The following ACSS2 variants were observed in gnomAD, a reference collection of about 807,000 sequenced individuals.
ACSS2 encodes the protein acetyl-coenzyme A synthetase, cytoplasmic.
A neutral mutation model predicts 90.6 loss-of-function variants in ACSS2; 58 were observed. The ratio of observed to expected loss-of-function variants is 0.64; its 90% CI spans 0.52 to 0.80. The LOEUF (loss-of-function observed/expected upper bound fraction) is 0.80, where lower values mean the gene tolerates loss of function less well. Ranked by LOEUF, ACSS2 falls within the 30% of genes least tolerant of loss-of-function variation. The pLI, the probability that ACSS2 is intolerant of heterozygous loss-of-function variation, is 0.00. For synonymous variants in ACSS2, 300 were observed against 330.9 expected, an observed-to-expected ratio of 0.91 and a Z score of 1.01; for missense variants, 759 against 912.0, an observed-to-expected ratio of 0.83 and a Z score of 2.16.
upstream of ACSS2, chr20:34,876,535 T>C (rs936308847): frequency 1.1e-4 from 125 of 1,169,680 alleles, 1 homozygote; most frequent in African/African-American, 2.7e-4. Flanking sequence ...ACTCCCCCAC[T>C]CACCAGGCCC....
chr20:34,898,863 C>CG (rs910045407), intron 2 of ACSS2, among the ~76,000 whole-genome samples: 31 of 129,552 alleles, frequency 2.4e-4, no homozygotes, highest in South Asian at 5.4e-4. Flanking sequence ...CGGTGCTCGT[C>CG]GGGGGGGCTC....
At chr20:34,901,999 T>TTCC (rs1280268536) in intron 2 of ACSS2, among the ~76,000 whole-genome samples, 1 of 152,190 alleles carries the variant, frequency 6.6e-6, no homozygotes, top group Non-Finnish European at 1.5e-5. Context: ...AAGGAGTGCC[T>TTCC]TCCATCTTTG....
intron 1 of ACSS2, among the ~76,000 whole-genome samples, chr20:34,877,295 C>T (rs1457208312): frequency 2.6e-5 from 4 of 152,152 alleles, no homozygotes; most frequent in African/African-American, 9.7e-5. Context: ...AACCTGTGAA[C>T]TGTTGAGGGC....
In ACSS2 at chr20:34,923,773, C is replaced by T. The variant is rs1469723698; in HGVS notation, c.1657+342C>T. Among the ~76,000 whole-genome samples the T allele has an allele frequency of 5.9e-5, 9 of 152,096 alleles. No homozygotes were observed. In the South Asian group the frequency reaches 1.5e-3, roughly 25 times the overall value. Reference sequence around the variant, plus strand: ...TGAACTCATAGAGTTACTGCAAGTACAGCACCAAGCCATTCATGAGGGATC... The same window carrying T: ...TGAACTCATAGAGTTACTGCAAGTATAGCACCAAGCCATTCATGAGGGATC... On this transcript the variant is annotated intron_variant, in intron 14 of 17. Coordinates refer to ENST00000360596, the MANE Select transcript of ACSS2 (RefSeq NM_018677.4).
intron 2 of ACSS2, among the ~76,000 whole-genome samples, chr20:34,899,300 G>A (rs1258768744): frequency 2.0e-5 from 3 of 152,270 alleles, no homozygotes; most frequent in Non-Finnish European, 2.9e-5. Flanking sequence ...CAAAGTGGGA[G>A]CCCAGGCAGA....
chr20:34,888,053 G>C (rs1463500413), intron 2 of ACSS2, among the ~76,000 whole-genome samples: 1 of 113,614 alleles, frequency 8.8e-6, no homozygotes, highest in Non-Finnish European at 1.6e-5. Context: ...CTGGGCAACA[G>C]AGCAAGACTC....
upstream of ACSS2, chr20:34,876,514 C>T: frequency 8.8e-7 from 1 of 1,134,248 alleles, no homozygotes; most frequent in Non-Finnish European, 1.1e-6. Context: ...GCCCACCCGC[C>T]AGACTAAGCC....
At position 34,927,079 on chromosome 20, in the gene ACSS2, T is replaced by A. The variant is rs765825953; in HGVS notation, c.1979-8T>A. ...TCACCAAGTAACTAGAGGTCTGTGGTTCCCCAGGGAAAATCATGAGGCGAG... is the reference window on the plus strand; with the variant it reads ...TCACCAAGTAACTAGAGGTCTGTGGATCCCCAGGGAAAATCATGAGGCGAG... On this transcript the variant is annotated splice_region_variant and splice_polypyrimidine_tract_variant and intron_variant, in intron 17 of 17. Transcript: ENST00000360596. This position sits in a 1 kb window ranked among gnomAD's most constrained non-coding sequence, Gnocchi z 4.2. 30 of 1,613,910 alleles carry A rather than the reference T, an allele frequency of 1.9e-5. No individual in the cohort carries two copies. The highest frequency in any genetic ancestry group is 2.5e-5 in the Non-Finnish European group (29 of 1,179,988).
In ACSS2 at chr20:34,926,733, C is replaced by G. The variant is rs1002632132; in HGVS notation, c.1904-144C>G. On this transcript the variant is annotated intron_variant, in intron 16 of 17. Transcript: ENST00000360596. ...AGTAAAGAGACAAGTGTGTTGAGAG[C>G]AAGAGAAGCAGTGAACCTGAGGCTG... 6 of 729,526 alleles carry G rather than the reference C, an allele frequency of 8.2e-6. No homozygotes were observed. In the African/African-American group the frequency reaches 1.1e-4, roughly 13 times the overall value. The allele number at this position is 729,526 out of a possible 1,614,324, so 45.2% of individuals were successfully genotyped here.
chr20:34,894,890 G>C (rs1037890881), intron 2 of ACSS2, among the ~76,000 whole-genome samples: 1 of 152,064 alleles, frequency 6.6e-6, no homozygotes, highest in Non-Finnish European at 1.5e-5. Context: ...TCAGAGCCAG[G>C]GTTTCCCAAT....
At chr20:34,883,433 T>G (rs1454123459) in intron 2 of ACSS2, among the ~76,000 whole-genome samples, 1 of 152,236 alleles carries the variant, frequency 6.6e-6, no homozygotes, top group Admixed American at 6.5e-5. Flanking sequence ...GAAAGCACTA[T>G]TTGTTTTCCT....
chr20:34,884,861 C>A (rs1216869632), intron 2 of ACSS2, among the ~76,000 whole-genome samples: 1 of 152,038 alleles, frequency 6.6e-6, no homozygotes, highest in Non-Finnish European at 1.5e-5. Context: ...GAGTTTGAGA[C>A]CAGCCTGGGC....
Position 34,919,481 on chromosome 20 carries a change from A to T in ACSS2, c.881A>T (p.Gln294Leu). Residue 294 changes from glutamine (Q) to leucine (L), a missense_variant, in exon 8 of 18, where the codon CAA becomes CTA. Coordinates refer to ENST00000360596, the MANE Select transcript of ACSS2 (RefSeq NM_018677.4). ...GACTTGTGGTGGCATGAGCTCATGC[A>T]AGAGGCAGGGGATGAGTGTGAGCCC... ...GIDLWWHELM[Q>L]EAGDECEPEW... 2 of 1,613,066 alleles carry T rather than the reference A, an allele frequency of 1.2e-6. No homozygotes were observed. Among genetic ancestry groups the T allele is most frequent in the Non-Finnish European group, 1.7e-6 (2 of 1,179,950 alleles).
chr20:34,894,740 T>G (rs2080423016), intron 2 of ACSS2, among the ~76,000 whole-genome samples: 1 of 152,174 alleles, frequency 6.6e-6, no homozygotes, highest in African/African-American at 2.4e-5. Context: ...GGAAACAAAC[T>G]GACAGAAATC....
At chr20:34,913,920 G>A (rs2081020786) in intron 5 of ACSS2, 95 bp downstream of exon 5, 3 of 1,411,286 alleles carry the variant, frequency 2.1e-6, no homozygotes, top group Non-Finnish European at 3.0e-6. Flanking sequence ...TCAGCATAGA[G>A]GGTAGAGACT....
chr20:34,899,423 T>TTCCTTCC (rs2080578711), intron 2 of ACSS2, among the ~76,000 whole-genome samples: 59 of 113,068 alleles, frequency 5.2e-4, no homozygotes, highest in East Asian at 2.0e-3. Flanking sequence ...TCTTTCTTTC[T>TTCCTTCC]TTCCTTCCTT....
chr20:34,923,834 C>A (rs1484565490), intron 14 of ACSS2, among the ~76,000 whole-genome samples: 3 of 128,822 alleles, frequency 2.3e-5, no homozygotes, highest in Non-Finnish European at 3.4e-5. Flanking sequence ...CCGGCCTTGA[C>A]CAAAACACCT....
intron 2 of ACSS2, among the ~76,000 whole-genome samples, chr20:34,891,742 AC>A (rs1436490914): frequency 6.6e-6 from 1 of 152,080 alleles, no homozygotes; most frequent in African/African-American, 2.4e-5. Context: ...TGGATTTCTA[AC>A]CTGCTTCTCT....
chr20:34,894,601 G>T (rs2080419937), intron 2 of ACSS2, among the ~76,000 whole-genome samples: 2 of 152,174 alleles, frequency 1.3e-5, no homozygotes, highest in Admixed American at 1.3e-4. Flanking sequence ...GGAGGTTGAG[G>T]CTGCAGTGAG....
Sources: gnomAD v4.1 joint callset for allele counts (sites outside exome capture counted in the v4.1 genomes callset) on GRCh38, gnomAD v4.1.1 for gene constraint, Gnocchi (gnomAD v3.1) non-coding constraint, MANE v1.5 for transcripts, NCBI Gene and HGNC (gene_info 2026-07-23, HGNC 2026-07-21) for gene names.